Variants in ERMAP observed in about 807,000 individuals in gnomAD.
ERMAP encodes erythroblast membrane associated protein (Scianna blood group), also known as erythroid membrane-associated protein.
A neutral mutation model predicts 49.5 loss-of-function variants in ERMAP; 34 were observed. The ratio of observed to expected loss-of-function variants is 0.69; its 90% confidence interval spans 0.52 to 0.91. ERMAP has a LOEUF of 0.91. ERMAP is among the 40% of genes least tolerant of loss of function. The probability of loss-of-function intolerance (pLI) is 0.00; values close to 1 mark genes in which losing one functional copy is unlikely to be tolerated. For missense variants in ERMAP, 541 were observed against 582.6 expected (o/e 0.93, Z 0.74); for synonymous variants, 214 against 232.2 (o/e 0.92, Z 0.71).
intron 7 of ERMAP, among the ~76,000 whole-genome samples, chr1:42,838,605 C>T (rs963743730): frequency 4.6e-5 from 7 of 152,068 alleles, no homozygotes; most frequent in East Asian, 3.8e-4. Flanking sequence ...ACTCATGTAC[C>T]GCAGTTACAA....
rs1655144388 is a variant in ERMAP at position 42,844,030 on chromosome 1, T to G, written c.*798T>G. ...CTTCAGAGGCTCAGTCTGTTGAGTC[T>G]GTTGTGACTGTCTTATGAATCAATC... On this transcript the variant is annotated 3_prime_UTR_variant, in exon 12 of 12. Transcript: ENST00000372517. The surrounding 1 kb of genome is among the most constrained non-coding windows in gnomAD (Gnocchi z 4.0). The G allele has an allele frequency of 2.5e-6, 1 of 398,506 alleles. No individual in the cohort carries two copies. The highest frequency in any genetic ancestry group is 4.4e-5 in the Admixed American group (1 of 22,716). 24.7% of individuals were successfully genotyped at this position (398,506 alleles called of 1,614,324 possible).
chr1:42,826,378 G>A (rs1473241393), intron 2 of ERMAP, among the ~76,000 whole-genome samples: 4 of 140,960 alleles, frequency 2.8e-5, no homozygotes, highest in Non-Finnish European at 6.5e-5. Flanking sequence ...TCATGAAATT[G>A]GCAAATTTTT....
intron 2 of ERMAP, among the ~76,000 whole-genome samples, chr1:42,829,264 C>G (rs1654643434): frequency 6.6e-6 from 1 of 152,152 alleles, no homozygotes; most frequent in African/African-American, 2.4e-5. Flanking sequence ...CATGAGAAAA[C>G]AGAATTGGGT....
At chr1:42,817,316 G>T in intron 1 of ERMAP, 63 bp downstream of exon 1, 3 of 1,151,836 alleles carry the variant, frequency 2.6e-6, no homozygotes, top group Non-Finnish European at 3.3e-6. Context: ...CCTCGTCCTG[G>T]GCGGGGCCGC....
At chr1:42,835,533 T>C (rs1041147090) in intron 5 of ERMAP, among the ~76,000 whole-genome samples, 199 bp from the exon 6 acceptor site, 4 of 152,192 alleles carry the variant, frequency 2.6e-5, no homozygotes, top group African/African-American at 9.7e-5. Context: ...TGCAAGGGAC[T>C]TTGAAAGTCA....
At chr1:42,826,718 T>G (rs1654562152) in intron 2 of ERMAP, among the ~76,000 whole-genome samples, 1 of 151,972 alleles carries the variant, frequency 6.6e-6, no homozygotes, top group African/African-American at 2.4e-5. Context: ...TAGCTGGGCA[T>G]GGTGGTGTGC....
chr1:42,825,767 T>C (rs1236428594), intron 2 of ERMAP, 29 bp downstream of exon 2: 2 of 1,289,010 alleles, frequency 1.6e-6, no homozygotes, highest in Admixed American at 2.3e-5. Context: ...CTTCATGCTT[T>C]TTAGTCCTTT....
chr1:42,831,575 C>CTTTTTTTTTT (rs796367653), intron 4 of ERMAP, among the ~76,000 whole-genome samples: 5 of 84,010 alleles, frequency 6.0e-5, no homozygotes, highest in South Asian at 4.5e-4. Context: ...TTTTTTTTCT[C>CTTTTTTTTTT]TTTTTTTTTT....
chr1:42,842,287 A>G (rs1319691732), intron 11 of ERMAP, among the ~76,000 whole-genome samples: 1 of 152,222 alleles, frequency 6.6e-6, no homozygotes, highest in East Asian at 1.9e-4. Flanking sequence ...AGTTTCACAG[A>G]CAGATGAAGA....
rs1223715138 is a variant in ERMAP, at chr1:42,842,901, C to A, written c.1097C>A (p.Ala366Glu). ...GTGGGGATTTTCCTGGACTATGAAG[C>A]AGGAGTCATCTCTTTCTACAATGTG... ...RCVGIFLDYE[A>E]GVISFYNVTN... Residue 366 changes from alanine (A) to glutamate (E), a missense_variant, in exon 12 of 12, where the codon GCA (alanine) becomes GAA (glutamate). Physicochemically the swap from Ala to Glu is moderately radical, Grantham distance 107 (BLOSUM62 -1). Coordinates refer to ENST00000372517, the MANE Select transcript of ERMAP (RefSeq NM_001017922.2). 2 of 1,614,070 alleles carry A rather than the reference C, an allele frequency of 1.2e-6. No homozygotes were observed. The highest frequency in any genetic ancestry group is 1.7e-6 in the Non-Finnish European group (2 of 1,180,052).
chr1:42,826,847 T>A (rs1654567463), intron 2 of ERMAP, among the ~76,000 whole-genome samples: 2 of 90,714 alleles, frequency 2.2e-5, no homozygotes, highest in South Asian at 4.4e-4. Context: ...AGAGTGAAAC[T>A]CTGTCTCAAA....
intron 6 of ERMAP, among the ~76,000 whole-genome samples, chr1:42,836,058 G>T (rs1320574765): frequency 6.6e-6 from 1 of 152,068 alleles, no homozygotes; most frequent in Non-Finnish European, 1.5e-5. Context: ...ACAAATACTT[G>T]ATAATTATCT....
rs1446084843 is a variant in ERMAP at position 42,842,786 on chromosome 1, C to T, written c.982C>T (p.His328Tyr). 1 of 1,614,196 alleles carries T rather than the reference C, an allele frequency of 6.2e-7. No homozygotes were observed. Among genetic ancestry groups the T allele is most frequent in the Admixed American group, 1.7e-5 (1 of 60,024 alleles). Reference sequence around the variant, plus strand: ...GGTTACTGCCTCACCTGCCAATGGACACTGGCTTCTGCGACAGAGTCGTGG... The same window carrying T: ...GGTTACTGCCTCACCTGCCAATGGATACTGGCTTCTGCGACAGAGTCGTGG... ...GKVTASPANG[H>Y]WLLRQSRGNE... is the part of the protein sequence containing the mutation. The change falls in exon 12 of 12, where the codon CAC (histidine) becomes TAC (tyrosine). Residue 328 changes from histidine to tyrosine, a missense_variant. By Grantham distance (83) the His-to-Tyr change is moderately conservative. Coordinates refer to ENST00000372517, the MANE Select transcript of ERMAP (RefSeq NM_001017922.2).
intron 1 of ERMAP, chr1:42,817,657 AG>A (rs1289858941): frequency 1.3e-5 from 2 of 153,734 alleles, no homozygotes; most frequent in African/African-American, 4.8e-5. Context: ...TTCATTCATG[AG>A]TTTATTGGGA....
intron 7 of ERMAP, 110 bp from the exon 8 acceptor site, chr1:42,838,791 G>A: frequency 6.5e-7 from 1 of 1,532,236 alleles, no homozygotes; most frequent in Non-Finnish European, 9.0e-7. Flanking sequence ...GGACATAGAA[G>A]CGTCACCATC....
intron 11 of ERMAP, among the ~76,000 whole-genome samples, chr1:42,842,200 G>T (rs76707423): frequency 6.6e-6 from 1 of 152,144 alleles, no homozygotes; most frequent in Non-Finnish European, 1.5e-5. Flanking sequence ...AGCAATGAGG[G>T]ATTAAGGTTC....
At chr1:42,822,251 T>A (rs1377461818) in intron 1 of ERMAP, among the ~76,000 whole-genome samples, 1 of 152,010 alleles carries the variant, frequency 6.6e-6, no homozygotes, top group Non-Finnish European at 1.5e-5. Flanking sequence ...TGGTGTGATC[T>A]CAGCTCACTG....
chr1:42,835,225 G>A (rs562903225), intron 5 of ERMAP, 71 bp downstream of exon 5: 136 of 783,630 alleles, frequency 1.7e-4, no homozygotes, highest in South Asian at 2.5e-4. Context: ...AGGGCCAGAC[G>A]GAAGTAGATG....
chr1:42,825,830 C>G (rs1012445943), intron 2 of ERMAP, 92 bp downstream of exon 2: 7 of 1,235,776 alleles, frequency 5.7e-6, no homozygotes, highest in Non-Finnish European at 7.3e-6. Context: ...TTTCTCCTTA[C>G]GCACAAGAAC....
Sources: allele counts gnomAD v4.1 joint callset (sites outside exome capture counted in the v4.1 genomes callset), GRCh38; gene constraint gnomAD v4.1.1; non-coding constraint Gnocchi (gnomAD v3.1); transcripts MANE v1.5; gene names NCBI Gene and HGNC (gene_info 2026-07-23, HGNC 2026-07-21).